DAB1: variants seen among roughly 807,000 people sequenced by gnomAD.
DAB1 encodes disabled homolog 1.
Under a neutral mutation model 64.6 loss-of-function variants are expected in DAB1, and 15 were observed. The ratio of observed to expected loss-of-function variants is 0.23; its 90% CI spans 0.16 to 0.36. DAB1 has a LOEUF of 0.36. Ranked by LOEUF, DAB1 falls within the 10% of genes least tolerant of loss-of-function variation. The probability of loss-of-function intolerance (pLI) is 1.00; values close to 1 mark genes in which losing one functional copy is unlikely to be tolerated. For synonymous variants in DAB1, 235 were observed against 251.9 expected (o/e 0.93, Z 0.64); for missense variants, 596 against 706.7 (o/e 0.84, Z 1.78).
chr1:57,355,234 A>C (rs1678980720), intron 1 of DAB1, among the ~76,000 whole-genome samples: 2 of 128,640 alleles, frequency 1.6e-5, no homozygotes, highest in African/African-American at 5.9e-5. Flanking sequence ...TTTCTTCCTA[A>C]TTTCCTTCCT....
In DAB1 at chr1:58,217,904, T is replaced by TA. The variant is rs1658940173; in HGVS notation, n.310-67317dup. Among the ~76,000 whole-genome samples the TA allele has an allele frequency of 2.0e-5, 3 of 152,242 alleles. No homozygotes were observed. The East Asian group carries it at 5.8e-4, about 29-fold the overall frequency. On this transcript the variant is annotated intron_variant and non_coding_transcript_variant, in intron 4 of 20. Coordinates refer to the DAB1 transcript ENST00000485760. ...AATGAATCAATCAATCATCAATCAGTAGAGGTACTATATCAGCTTTACAGA... is the reference window on the plus strand; with the variant it reads ...AATGAATCAATCAATCATCAATCAGTAAGAGGTACTATATCAGCTTTACAGA...
At chr1:57,297,913 G>C (rs1344296830) in intron 1 of DAB1, among the ~76,000 whole-genome samples, 4 of 152,120 alleles carry the variant, frequency 2.6e-5, no homozygotes, top group Admixed American at 2.6e-4. Context: ...CTTGGCAGAA[G>C]TCTATGGACC....
At chr1:58,205,314 T>A (rs1302103548) in intron 4 of DAB1, among the ~76,000 whole-genome samples, 1 of 152,192 alleles carries the variant, frequency 6.6e-6, no homozygotes, top group African/African-American at 2.4e-5. Context: ...GTTATTTTAA[T>A]TCATTCCCCT....
At chr1:57,391,589 T>C (rs532924359) in intron 1 of DAB1, among the ~76,000 whole-genome samples, 2 of 152,294 alleles carry the variant, frequency 1.3e-5, no homozygotes, top group East Asian at 3.9e-4. Flanking sequence ...CAACATTTAC[T>C]GAACATCTAC....
At position 58,203,037 on chromosome 1, in the gene DAB1, G is replaced by C. The variant is rs538414057; in HGVS notation, n.310-52449C>G. ...ACTATTAACTGAGCATTGTGCTGGAGTCTTGGAAATTTAAAAAGGGAAAAT... is the reference window on the plus strand; with the variant it reads ...ACTATTAACTGAGCATTGTGCTGGACTCTTGGAAATTTAAAAAGGGAAAAT... On this transcript the variant is annotated intron_variant and non_coding_transcript_variant, in intron 4 of 20. Coordinates refer to the DAB1 transcript ENST00000485760. Among the ~76,000 whole-genome samples the C allele has an allele frequency of 1.1e-3, 170 of 152,276 alleles. 2 individuals carry two copies. In the South Asian group the frequency reaches 0.033, roughly 30 times the overall value.
At chr1:57,139,556 CCTT>C (rs1486338204) in intron 3 of DAB1, among the ~76,000 whole-genome samples, 3 of 152,304 alleles carry the variant, frequency 2.0e-5, no homozygotes, top group South Asian at 4.1e-4. Flanking sequence ...GAGACTCTCT[CCTT>C]CTGGTTTTAT....
chr1:57,584,421 C>T (rs1645353212), intron 7 of DAB1, among the ~76,000 whole-genome samples: 1 of 152,172 alleles, frequency 6.6e-6, no homozygotes. Flanking sequence ...TGTACAGTGT[C>T]TGCTAAGATG....
intron 1 of DAB1, among the ~76,000 whole-genome samples, chr1:57,841,787 A>G (rs559293227): frequency 6.6e-6 from 1 of 152,252 alleles, no homozygotes; most frequent in East Asian, 1.9e-4. Flanking sequence ...ATGTGAGGGG[A>G]TGCTGTGAAG....
chr1:57,850,298 T>A (rs560103453), intron 1 of DAB1, among the ~76,000 whole-genome samples: 8 of 152,200 alleles, frequency 5.3e-5, no homozygotes, highest in African/African-American at 1.9e-4. Flanking sequence ...CAAAGTGGCT[T>A]AGTGCCTTTC....
intron 7 of DAB1, among the ~76,000 whole-genome samples, chr1:57,549,202 C>T (rs906868207): frequency 6.6e-6 from 1 of 152,110 alleles, no homozygotes; most frequent in Admixed American, 6.6e-5. Flanking sequence ...GCAGTGATCA[C>T]CAACTCTAAG....
At chr1:57,713,342 A>C (rs956669737) in intron 6 of DAB1, among the ~76,000 whole-genome samples, 2 of 152,156 alleles carry the variant, frequency 1.3e-5, no homozygotes, top group Non-Finnish European at 2.9e-5. Flanking sequence ...TCTGCAAAAG[A>C]AGATTATAAT....
At chr1:58,125,457 T>C (rs919488072) in intron 5 of DAB1, among the ~76,000 whole-genome samples, 1 of 150,690 alleles carries the variant, frequency 6.6e-6, no homozygotes, top group Non-Finnish European at 1.5e-5. Context: ...TTTTTTTTTT[T>C]CGAGACAGGA....
chr1:57,068,484 TACACAAGTAATACAC>T (rs1389543212), intron 8 of DAB1, among the ~76,000 whole-genome samples: 1 of 152,226 alleles, frequency 6.6e-6, no homozygotes, highest in Non-Finnish European at 1.5e-5. Context: ...TTACTTTTAT[TACACAAGTAATACAC>T]ACCCAAGGCA....
chr1:58,112,846 C>T (rs1161168042), intron 5 of DAB1, among the ~76,000 whole-genome samples: 1 of 152,114 alleles, frequency 6.6e-6, no homozygotes, highest in Admixed American at 6.5e-5. Flanking sequence ...AAATATGATG[C>T]CCCACGCAGA....
Position 58,009,457 on chromosome 1 carries a change from A to G in DAB1, n.388-125295T>C, listed in dbSNP as rs143214985. Among the ~76,000 whole-genome samples, 1,089 of 152,286 alleles carry G rather than the reference A, an allele frequency of 7.2e-3. 19 individuals carry two copies. Among genetic ancestry groups the G allele is most frequent in the African/African-American group, 0.025 (1,031 of 41,566 alleles). ...TAAGGTATAGCTTGCTGGGAATCAT[A>G]TATTATTGGGACTCATTCTACCTAT... is the stretch of plus-strand genomic sequence containing the variant. On this transcript the variant is annotated intron_variant and non_coding_transcript_variant, in intron 5 of 20. Transcript: ENST00000485760.
chr1:58,197,355 T>C (rs1051448188), intron 4 of DAB1, among the ~76,000 whole-genome samples: 1 of 152,136 alleles, frequency 6.6e-6, no homozygotes, highest in Admixed American at 6.5e-5. Flanking sequence ...GAGATATCCA[T>C]TTTCTCTTTA....
At chr1:58,334,357 G>A (rs759774033) in intron 4 of DAB1, among the ~76,000 whole-genome samples, 62 of 152,184 alleles carry the variant, frequency 4.1e-4, no homozygotes, top group Non-Finnish European at 1.3e-4. Flanking sequence ...TGTAACATAA[G>A]CAAGAAATAA....
intron 4 of DAB1, among the ~76,000 whole-genome samples, chr1:57,085,203 G>C (rs1472353700): frequency 6.6e-6 from 1 of 152,156 alleles, no homozygotes; most frequent in Non-Finnish European, 1.5e-5. Flanking sequence ...CAGCACTGAG[G>C]CTGATGGCCA....
intron 7 of DAB1, among the ~76,000 whole-genome samples, chr1:57,562,504 A>G (rs1029009595): frequency 6.6e-6 from 1 of 152,238 alleles, no homozygotes; most frequent in African/African-American, 2.4e-5. Flanking sequence ...GGCCTTTTGA[A>G]GTCACAGTTA....
Sources: allele counts gnomAD v4.1 joint callset (sites outside exome capture counted in the v4.1 genomes callset), GRCh38; gene constraint gnomAD v4.1.1; transcripts MANE v1.5; gene names NCBI Gene and HGNC (gene_info 2026-07-23, HGNC 2026-07-21).